Variants in GORAB observed in about 807,000 individuals in gnomAD.
GORAB encodes RAB6-interacting golgin.
Under a neutral mutation model 29.9 loss-of-function variants are expected in GORAB, and 17 were observed. That is an observed-to-expected ratio of 0.57 (90% confidence interval 0.39 to 0.85). The LOEUF (loss-of-function observed/expected upper bound fraction) is 0.85. Ranked by LOEUF, GORAB falls within the 40% of genes least tolerant of loss-of-function variation. The probability of loss-of-function intolerance (pLI) is 0.00; values close to 1 mark genes in which losing one functional copy is unlikely to be tolerated. For missense variants in GORAB, 442 were observed against 437.8 expected (o/e 1.01, Z -0.09); for synonymous variants, 183 against 157.2 (o/e 1.16, Z -1.23).
intron 2 of GORAB, among the ~76,000 whole-genome samples, chr1:170,541,353 A>G (rs10800527): frequency 0.94 from 142,240 of 152,118 alleles, 67,210 homozygotes; most frequent in East Asian, 1. Context: ...GCAAGTTACC[A>G]TGAAGCTCTC....
intron 1 of GORAB, among the ~76,000 whole-genome samples, chr1:170,538,086 G>T (rs1558003408): frequency 6.6e-6 from 1 of 152,098 alleles, no homozygotes; most frequent in African/African-American, 2.4e-5. Context: ...AATATTTTCT[G>T]TACATATCTC....
intron 2 of GORAB, among the ~76,000 whole-genome samples, chr1:170,542,201 G>C (rs1052555992): frequency 6.6e-6 from 1 of 152,078 alleles, no homozygotes; most frequent in Middle Eastern, 3.2e-3. Flanking sequence ...CTAAACACAT[G>C]CCACAGTATT....
At chr1:170,547,478 T>C (rs988691817) in intron 4 of GORAB, among the ~76,000 whole-genome samples, 1 of 152,056 alleles carries the variant, frequency 6.6e-6, no homozygotes, top group Non-Finnish European at 1.5e-5. Context: ...TGTTCACCAC[T>C]GGGATTACAA....
In GORAB at chr1:170,552,861, A is replaced by G. The variant is rs1428812795; in HGVS notation, c.*399A>G. ...GAGACGTATTAAGACTGGAAGTCCT[A>G]TTTTATTTAATCAGTATCAGTAAAA... On this transcript the variant is annotated 3_prime_UTR_variant, in exon 5 of 5. Transcript: ENST00000367763. 2.2e-6 allele frequency: 1 copy of G among 452,964 alleles called. No homozygotes were observed. The highest frequency in any genetic ancestry group is 4.4e-6 in the Non-Finnish European group (1 of 226,802). The allele number at this position is 452,964 out of a possible 1,614,324, so 28.1% of individuals were successfully genotyped here. A position where few individuals can be genotyped will look rare whatever the true frequency, so the allele number is the denominator to read the frequency against.
At chr1:170,541,379 G>A (rs12021752) in intron 2 of GORAB, among the ~76,000 whole-genome samples, 44,188 of 151,794 alleles carry the variant, frequency 0.29, 6,446 homozygotes, top group South Asian at 0.33. Flanking sequence ...GCTAAAGGCC[G>A]CAATCAAAAT....
At chr1:170,536,789 G>A (rs567178419) in intron 1 of GORAB, among the ~76,000 whole-genome samples, 4 of 152,248 alleles carry the variant, frequency 2.6e-5, no homozygotes, top group African/African-American at 9.6e-5. Context: ...TATTGACAGT[G>A]TAATATTAAG....
At chr1:170,541,283 A>C (rs1000751494) in intron 2 of GORAB, among the ~76,000 whole-genome samples, 10 of 151,992 alleles carry the variant, frequency 6.6e-5, no homozygotes, top group Non-Finnish European at 1.5e-4. Context: ...AGAGAATTAA[A>C]GAAATGAGAA....
At position 170,544,855 on chromosome 1, in the gene GORAB, G is replaced by A. The variant is rs1649661551; in HGVS notation, c.662+10G>A. The A allele has an allele frequency of 1.9e-6, 3 of 1,603,924 alleles. No individual in the cohort carries two copies. In the East Asian group the frequency reaches 6.7e-5, roughly 36 times the overall value. On this transcript the variant is annotated intron_variant, in intron 4 of 4. Coordinates refer to ENST00000367763, the MANE Select transcript of GORAB (RefSeq NM_152281.3). ...ACTATTCATACGCTCGGTGAGTTGG[G>A]GAAATTGAATCTGAACAAGGAGTAT...
At position 170,539,502 on chromosome 1, in the gene GORAB, T is replaced by G; in HGVS notation, c.354T>G (p.Gly118=). 6.2e-7 allele frequency: 1 copy of G among 1,614,074 alleles called. No homozygotes were observed. Among genetic ancestry groups the G allele is most frequent in the Non-Finnish European group, 8.5e-7 (1 of 1,179,980 alleles). The part of the protein sequence containing the change: ...KELGLENSHD[G]HNNVEILPPK... ...TGGGACTTGAGAATTCCCATGATGG[T>G]CACAACAATGTTGAGATTCTACCTC... The change falls in exon 2 of 5, where the codon GGT becomes GGG. Residue 118 remains glycine, a synonymous_variant. Transcript: ENST00000367763.
rs181736328 is a variant in GORAB at position 170,545,185 on chromosome 1, G to A, written c.662+340G>A. ...GCAAAGTAAATATCTGAGTGGTTTCGCCAAAACTGTTACTCTGACACCAAG... is the reference window on the plus strand; with the variant it reads ...GCAAAGTAAATATCTGAGTGGTTTCACCAAAACTGTTACTCTGACACCAAG... On this transcript the variant is annotated intron_variant, in intron 4 of 4. Transcript: ENST00000367763. 2.0e-5 allele frequency: 20 copies of A among 1,014,236 alleles called. No individual in the cohort carries two copies. The Middle Eastern group carries it at 2.5e-3, about 124-fold the overall frequency. 62.8% of individuals were successfully genotyped at this position (1,014,236 alleles called of 1,614,324 possible).
intron 4 of GORAB, among the ~76,000 whole-genome samples, chr1:170,551,494 A>G (rs941879626): frequency 3.3e-5 from 5 of 152,068 alleles, no homozygotes; most frequent in African/African-American, 7.2e-5. Context: ...CAAGAGAACA[A>G]TTTTCCACTT....
chr1:170,536,780 A>G (rs1466608554), intron 1 of GORAB, among the ~76,000 whole-genome samples: 6 of 152,258 alleles, frequency 3.9e-5, no homozygotes, highest in South Asian at 2.1e-4. Context: ...ATGAATGACT[A>G]TTGACAGTGT....
chr1:170,545,289 A>G (rs1012336326), intron 4 of GORAB: 2 of 984,716 alleles, frequency 2.0e-6, no homozygotes, highest in South Asian at 4.7e-5. Flanking sequence ...TTTAGCTTTC[A>G]TCAGAGTAAG....
intron 1 of GORAB, among the ~76,000 whole-genome samples, chr1:170,538,361 C>G (rs1182495893): frequency 6.6e-6 from 1 of 152,172 alleles, no homozygotes; most frequent in African/African-American, 2.4e-5. Context: ...CTGATAACTT[C>G]ACTTCCCAGG....
intron 1 of GORAB, chr1:170,536,286 C>T (rs1217537161): frequency 6.6e-6 from 1 of 151,780 alleles, no homozygotes; most frequent in African/African-American, 2.4e-5. Context: ...TAATTGTTTT[C>T]TGCTGATATA....
chr1:170,538,226 A>C (rs540896648), intron 1 of GORAB, among the ~76,000 whole-genome samples: 2 of 152,338 alleles, frequency 1.3e-5, no homozygotes, highest in African/African-American at 4.8e-5. Context: ...GGCAGAAGCA[A>C]AGCTGGAATT....
chr1:170,544,590 T>C (rs1196640385), intron 3 of GORAB, 115 bp from the exon 4 acceptor site: 2 of 721,678 alleles, frequency 2.8e-6, no homozygotes, highest in Non-Finnish European at 4.3e-6. Flanking sequence ...TTTTCTAACT[T>C]TTAAAATATA....
intron 4 of GORAB, chr1:170,545,199 T>C: frequency 9.9e-7 from 1 of 1,009,792 alleles, no homozygotes; most frequent in Non-Finnish European, 1.2e-6. Context: ...AAACTGTTAC[T>C]CTGACACCAA....
intron 2 of GORAB, among the ~76,000 whole-genome samples, chr1:170,542,027 T>C (rs962291175): frequency 6.6e-6 from 1 of 152,188 alleles, no homozygotes; most frequent in Non-Finnish European, 1.5e-5. Context: ...AATATTAATA[T>C]ATGAAATAAA....
Sources: gnomAD v4.1 joint callset for allele counts (sites outside exome capture counted in the v4.1 genomes callset) on GRCh38, gnomAD v4.1.1 for gene constraint, MANE v1.5 for transcripts, NCBI Gene and HGNC (gene_info 2026-07-23, HGNC 2026-07-21) for gene names.